The following OTUD3 variants were observed in gnomAD, a reference collection of about 807,000 sequenced individuals.
OTUD3 encodes OTU deubiquitinase 3.
Under a neutral mutation model 46.2 loss-of-function variants are expected in OTUD3, and 24 were observed. The observed-to-expected ratio is 0.52, with a 90% CI of 0.38 to 0.73. OTUD3 has a LOEUF of 0.73. Among genes scored for constraint, OTUD3 ranks in the 30% least tolerant of loss-of-function variants. The probability of loss-of-function intolerance (pLI) is 0.00; values close to 1 mark genes in which losing one functional copy is unlikely to be tolerated. For missense variants in OTUD3, 455 were observed against 523.3 expected (o/e 0.87, Z 1.27); for synonymous variants, 189 against 195.4 (o/e 0.97, Z 0.27).
At chr1:19,892,480 T>C (rs2045460967) in intron 2 of OTUD3, among the ~76,000 whole-genome samples, 1 of 152,212 alleles carries the variant, frequency 6.6e-6, no homozygotes, top group South Asian at 2.1e-4. Context: ...TTCACTATAC[T>C]ATTAAGGACC....
intron 4 of OTUD3, among the ~76,000 whole-genome samples, chr1:19,902,244 G>A (rs2045600469): frequency 6.6e-6 from 1 of 151,994 alleles, no homozygotes; most frequent in Admixed American, 6.5e-5. Flanking sequence ...TTGCTCTGTC[G>A]CCCAGGCTGG....
In OTUD3 at chr1:19,910,837, G is replaced by C. The variant is rs538716050; in HGVS notation, c.*3091G>C. On this transcript the variant is annotated 3_prime_UTR_variant, in exon 8 of 8. Coordinates refer to ENST00000375120, the MANE Select transcript of OTUD3 (RefSeq NM_015207.2). ...TGTGATTGTCGGGGGTGGGGTGGGA[G>C]GAGGGCCACCTTCAGTCGGGGAGTT... The C allele has an allele frequency of 6.6e-6, 1 of 152,494 alleles. No individual in the cohort carries two copies. Among genetic ancestry groups the C allele is most frequent in the Non-Finnish European group, 1.5e-5 (1 of 68,096 alleles). The allele number at this position is 152,494 out of a possible 1,614,324, so 9.4% of individuals were successfully genotyped here.
chr1:19,887,986 T>G (rs1199569501), intron 1 of OTUD3, among the ~76,000 whole-genome samples: 2 of 152,174 alleles, frequency 1.3e-5, no homozygotes, highest in Admixed American at 6.5e-5. Flanking sequence ...TGCGTGCTCT[T>G]TATGTAATTG....
At position 19,882,927 on chromosome 1, in the gene OTUD3, C is replaced by T. The variant is rs534654540; in HGVS notation, c.221+193C>T. On this transcript the variant is annotated intron_variant, in intron 1 of 7. Coordinates refer to ENST00000375120, the MANE Select transcript of OTUD3 (RefSeq NM_015207.2). ...CAAGCCCCTCGCCCCGAGACGCTCG[C>T]GGGGATCCCAAAGGGTCCTAATCAT... is the stretch of plus-strand genomic sequence containing the variant. Among the ~76,000 whole-genome samples the T allele has an allele frequency of 2.6e-5, 4 of 152,336 alleles. No individual in the cohort carries two copies. In the South Asian group the frequency reaches 8.3e-4, roughly 32 times the overall value.
intron 2 of OTUD3, among the ~76,000 whole-genome samples, chr1:19,892,189 T>G (rs61769073): frequency 0.052 from 7,890 of 152,258 alleles, 239 homozygotes; most frequent in Middle Eastern, 0.085. Flanking sequence ...TGCTTGGAGC[T>G]GCTTAAGAAT....
intron 7 of OTUD3, 112 bp downstream of exon 7, chr1:19,906,728 T>C (rs2100324281): frequency 9.6e-7 from 1 of 1,046,300 alleles, no homozygotes; most frequent in East Asian, 2.6e-5. Flanking sequence ...ATAAAAGTAG[T>C]GTGGAAAATC....
At chr1:19,905,461 G>A (rs1055859964) in intron 6 of OTUD3, among the ~76,000 whole-genome samples, 4 of 151,970 alleles carry the variant, frequency 2.6e-5, no homozygotes, top group African/African-American at 7.3e-5. Flanking sequence ...GAGATGTAAC[G>A]GCTGGGTGTG....
chr1:19,895,579 A>G (rs2045507460), intron 3 of OTUD3, among the ~76,000 whole-genome samples: 1 of 152,180 alleles, frequency 6.6e-6, no homozygotes, highest in East Asian at 1.9e-4. Flanking sequence ...TGCTACAACA[A>G]AGTAAGATAG....
At chr1:19,899,298 T>C (rs1254029287) in intron 4 of OTUD3, among the ~76,000 whole-genome samples, 1 of 152,248 alleles carries the variant, frequency 6.6e-6, no homozygotes, top group East Asian at 1.9e-4. Flanking sequence ...TATATATAGA[T>C]GTGCACATAT....
At chr1:19,905,482 C>T (rs191116007) in intron 6 of OTUD3, among the ~76,000 whole-genome samples, 25 of 152,006 alleles carry the variant, frequency 1.6e-4, no homozygotes, top group African/African-American at 6.0e-4. Context: ...GTGGCTCACA[C>T]CTGTAATCCC....
intron 1 of OTUD3, among the ~76,000 whole-genome samples, chr1:19,883,726 C>G (rs550892980): frequency 1.3e-5 from 2 of 152,324 alleles, no homozygotes; most frequent in South Asian, 4.1e-4. Context: ...AGCGATCCTC[C>G]TGCCTCGGCC....
chr1:19,886,298 G>A (rs1216442564), intron 1 of OTUD3, among the ~76,000 whole-genome samples: 9 of 152,102 alleles, frequency 5.9e-5, no homozygotes, highest in Admixed American at 5.9e-4. Context: ...CATTAGCAGT[G>A]TTCTAAAATT....
chr1:19,907,821 T>G lies in OTUD3; in HGVS notation c.*75T>G. 7.0e-7 allele frequency: 1 copy of G among 1,430,200 alleles called. No homozygotes were observed. The allele number at this position is 1,430,200 out of a possible 1,614,324, so 88.6% of individuals were successfully genotyped here. A position where few individuals can be genotyped will look rare whatever the true frequency, so the allele number is the denominator to read the frequency against. ...TGTGCTAGACTTTCCAGTGAGGCCG[T>G]CCTTTTATAAAACGCAACACAACCA... On this transcript the variant is annotated 3_prime_UTR_variant, in exon 8 of 8. Coordinates refer to ENST00000375120, the MANE Select transcript of OTUD3 (RefSeq NM_015207.2).
At chr1:19,894,181 G>A (rs1324636216) in intron 2 of OTUD3, among the ~76,000 whole-genome samples, 187 bp from the exon 3 acceptor site, 1 of 152,222 alleles carries the variant, frequency 6.6e-6, no homozygotes, top group Non-Finnish European at 1.5e-5. Context: ...TGAATGACTA[G>A]TGTTCTTCTG....
At position 19,897,615 on chromosome 1, in the gene OTUD3, C is replaced by T. The variant is rs745517322; in HGVS notation, c.559C>T (p.Arg187Trp). The T allele has an allele frequency of 2.8e-5, 45 of 1,613,856 alleles. No homozygotes were observed. The highest frequency in any genetic ancestry group is 3.4e-5 in the Non-Finnish European group (40 of 1,179,956). ...YRYGEHYDSV[R>W]RINDNSEAPA... ...GTATGGAGAGCACTACGACAGTGTTCGGAGGATCAATGACAACTCAGAGGC... is the reference window on the plus strand; with the variant it reads ...GTATGGAGAGCACTACGACAGTGTTTGGAGGATCAATGACAACTCAGAGGC... The change falls in exon 4 of 8, where the codon CGG becomes TGG. Residue 187 changes from arginine to tryptophan, a missense_variant. Coordinates refer to ENST00000375120, the MANE Select transcript of OTUD3 (RefSeq NM_015207.2).
chr1:19,901,675 T>C (rs1300041733), intron 4 of OTUD3, among the ~76,000 whole-genome samples: 1 of 152,208 alleles, frequency 6.6e-6, no homozygotes, highest in South Asian at 2.1e-4. Flanking sequence ...AAGCAGTGAC[T>C]CCCAATTCCC....
At chr1:19,901,573 C>T (rs182114094) in intron 4 of OTUD3, among the ~76,000 whole-genome samples, 227 of 152,278 alleles carry the variant, frequency 1.5e-3, no homozygotes, top group Non-Finnish European at 2.7e-3. Flanking sequence ...TCCAGTGGTA[C>T]TCAGTACATC....
chr1:19,884,962 G>T (rs955593543), intron 1 of OTUD3, among the ~76,000 whole-genome samples: 3 of 152,086 alleles, frequency 2.0e-5, no homozygotes, highest in Non-Finnish European at 4.4e-5. Flanking sequence ...TCGTTCATTC[G>T]GTAAATACTC....
At chr1:19,896,221 C>A (rs1320092874) in intron 3 of OTUD3, among the ~76,000 whole-genome samples, 2 of 151,802 alleles carry the variant, frequency 1.3e-5, no homozygotes, top group Non-Finnish European at 2.9e-5. Flanking sequence ...TTGAAACCTA[C>A]ATTTTTTTTC....
Sources: gnomAD v4.1 joint callset for allele counts (sites outside exome capture counted in the v4.1 genomes callset) on GRCh38, gnomAD v4.1.1 for gene constraint, MANE v1.5 for transcripts, NCBI Gene and HGNC (gene_info 2026-07-23, HGNC 2026-07-21) for gene names.